Variants in SCN11A observed in about 807,000 individuals in gnomAD.
SCN11A encodes the protein sodium channel protein type 11 subunit alpha.
Under a neutral mutation model 162.2 loss-of-function variants are expected in SCN11A, and 122 were observed. The observed-to-expected ratio is 0.75, with a 90% CI of 0.65 to 0.87. The LOEUF (loss-of-function observed/expected upper bound fraction) is 0.87. SCN11A is among the 40% of genes least tolerant of loss of function. SCN11A has a pLI of 0.00. For synonymous variants in SCN11A, 758 were observed against 751.5 expected, an observed-to-expected ratio of 1.01 and a Z score of -0.14; for missense variants, 2,015 against 2,181.6, an observed-to-expected ratio of 0.92 and a Z score of 1.52.
intron 29 of SCN11A, 152 bp downstream of exon 29, chr3:38,850,329 G>A (rs2064754219): frequency 1.5e-6 from 1 of 660,974 alleles, no homozygotes; most frequent in East Asian, 2.7e-5. Flanking sequence ...TCCCAGTAGA[G>A]AATGGCATTA....
intron 28 of SCN11A, among the ~76,000 whole-genome samples, chr3:38,862,521 G>A (rs879539630): frequency 6.6e-6 from 1 of 152,074 alleles, no homozygotes; most frequent in Non-Finnish European, 1.5e-5. Context: ...AACAGATAAA[G>A]AAAATGTGGT....
chr3:38,864,303 T>C (rs949388823), intron 27 of SCN11A, among the ~76,000 whole-genome samples: 10 of 152,132 alleles, frequency 6.6e-5, no homozygotes, highest in African/African-American at 2.4e-4. Context: ...GATAAAAATA[T>C]GTAGCCCTAG....
intron 7 of SCN11A, 42 bp from the exon 8 acceptor site, chr3:38,926,973 CAA>C: frequency 6.3e-7 from 1 of 1,578,370 alleles, no homozygotes; most frequent in Non-Finnish European, 8.6e-7. Context: ...ACATGATAAA[CAA>C]TGTGAAAAGC....
chr3:38,967,225 G>T (rs1040411291), intron 2 of SCN11A, among the ~76,000 whole-genome samples: 5 of 152,178 alleles, frequency 3.3e-5, no homozygotes, highest in African/African-American at 1.2e-4. Flanking sequence ...TTCTTGTGTG[G>T]TTCTATCCCA....
At chr3:38,848,790 A>C (rs1318034106) in intron 29 of SCN11A, among the ~76,000 whole-genome samples, 4 of 151,944 alleles carry the variant, frequency 2.6e-5, no homozygotes, top group Admixed American at 2.0e-4. Flanking sequence ...TTTTTTTGGC[A>C]CTTTAAGACG....
chr3:39,033,014 A>G (rs556823478), intron 1 of SCN11A, among the ~76,000 whole-genome samples: 1 of 152,096 alleles, frequency 6.6e-6, no homozygotes, highest in Non-Finnish European at 1.5e-5. Flanking sequence ...TAGCCAAGCT[A>G]TGGTGGCGGG....
rs566281303 is a variant in SCN11A at position 38,941,772 on chromosome 3, G to T, written c.488+3639C>A. ...AGGAAGCAGGAATGGAGAAATAATG[G>T]AGTAGCAAAGGAACAACAACAATGA... On this transcript the variant is annotated intron_variant, in intron 7 of 29. Coordinates refer to ENST00000302328, the MANE Select transcript of SCN11A (RefSeq NM_001349253.2). Among the ~76,000 whole-genome samples, 122 of 149,798 alleles carry T rather than the reference G, an allele frequency of 8.1e-4. 1 individual carries two copies. The South Asian group carries it at 0.018, about 22-fold the overall frequency.
chr3:38,883,948 G>T (rs75740846), intron 21 of SCN11A, among the ~76,000 whole-genome samples: 4,114 of 152,266 alleles, frequency 0.027, 176 homozygotes, highest in African/African-American at 0.09. Flanking sequence ...AACCTCTCAG[G>T]TCATACACGA....
chr3:38,994,131 G>T (rs998877697), intron 2 of SCN11A, among the ~76,000 whole-genome samples: 3 of 152,144 alleles, frequency 2.0e-5, no homozygotes, highest in African/African-American at 7.2e-5. Context: ...CCTTGTTTCA[G>T]GGTCTGAAAG....
At chr3:39,020,424 A>G (rs1286264015) in intron 2 of SCN11A, among the ~76,000 whole-genome samples, 1 of 151,950 alleles carries the variant, frequency 6.6e-6, no homozygotes, top group African/African-American at 2.4e-5. Flanking sequence ...AGTTTCCCTC[A>G]AGAACCTGTA....
chr3:39,003,585 T>G (rs1439389168), intron 2 of SCN11A, among the ~76,000 whole-genome samples: 1 of 152,238 alleles, frequency 6.6e-6, no homozygotes, highest in Admixed American at 6.5e-5. Flanking sequence ...GTTCTACTTT[T>G]AGCTCTTTGA....
At chr3:38,917,681 G>A (rs1190075104) in intron 11 of SCN11A, among the ~76,000 whole-genome samples, 4 of 152,166 alleles carry the variant, frequency 2.6e-5, no homozygotes, top group Admixed American at 2.0e-4. Flanking sequence ...GAGGTTGAGA[G>A]AAGGAAGAGA....
At chr3:38,947,214 T>C (rs1183874504) in intron 5 of SCN11A, among the ~76,000 whole-genome samples, 5 of 152,246 alleles carry the variant, frequency 3.3e-5, no homozygotes, top group Admixed American at 2.0e-4. Context: ...GAAATTGAGC[T>C]TGGACATTTA....
intron 7 of SCN11A, among the ~76,000 whole-genome samples, chr3:38,940,570 T>C (rs1191680451): frequency 6.6e-6 from 1 of 152,216 alleles, no homozygotes; most frequent in Non-Finnish European, 1.5e-5. Context: ...AGGTGGACTA[T>C]TTAACAAATG....
intron 2 of SCN11A, among the ~76,000 whole-genome samples, chr3:38,999,668 T>C (rs6762382): frequency 3.9e-5 from 6 of 152,122 alleles, no homozygotes; most frequent in African/African-American, 1.2e-4. Context: ...ACCTTGCAAT[T>C]TGTCAGCATA....
chr3:38,920,334 A>T (rs1232187716), intron 10 of SCN11A, among the ~76,000 whole-genome samples: 1 of 152,194 alleles, frequency 6.6e-6, no homozygotes, highest in East Asian at 1.9e-4. Context: ...GTGTAGTCAC[A>T]TGAGATTCAT....
At chr3:38,936,025 T>C (rs2066325689) in intron 7 of SCN11A, among the ~76,000 whole-genome samples, 2 of 152,112 alleles carry the variant, frequency 1.3e-5, no homozygotes, top group Admixed American at 6.5e-5. Context: ...TCCACCATGA[T>C]CAAGTGGGCT....
At chr3:39,007,960 G>A (rs2031022846) in intron 2 of SCN11A, among the ~76,000 whole-genome samples, 4 of 152,104 alleles carry the variant, frequency 2.6e-5, no homozygotes, top group African/African-American at 7.2e-5. Context: ...CTTAATCTAC[G>A]GGGTCTGCAT....
At chr3:38,890,446 A>C (rs976194385) in intron 19 of SCN11A, among the ~76,000 whole-genome samples, 1 of 152,270 alleles carries the variant, frequency 6.6e-6, no homozygotes, top group Non-Finnish European at 1.5e-5. Context: ...AGAGATTGGT[A>C]GCTCTCCTTC....
Sources: allele counts gnomAD v4.1 joint callset (sites outside exome capture counted in the v4.1 genomes callset), GRCh38; gene constraint gnomAD v4.1.1; transcripts MANE v1.5; gene names NCBI Gene and HGNC (gene_info 2026-07-23, HGNC 2026-07-21).